SLC44A5: variants seen among roughly 807,000 people sequenced by gnomAD.
SLC44A5 encodes solute carrier family 44 member 5.
Under a neutral mutation model 101.8 loss-of-function variants are expected in SLC44A5, and 57 were observed. That is an observed-to-expected ratio of 0.56 (90% CI 0.45 to 0.70). SLC44A5 has a LOEUF of 0.70. Among genes scored for constraint, SLC44A5 ranks in the 30% least tolerant of loss-of-function variants. SLC44A5 has a pLI of 0.00. For synonymous variants in SLC44A5, 281 were observed against 290.9 expected, an observed-to-expected ratio of 0.97 and a Z score of 0.35; for missense variants, 737 against 853.1, an observed-to-expected ratio of 0.86 and a Z score of 1.70.
the SLC44A5 span, among the ~76,000 whole-genome samples, chr1:75,652,736 G>A: frequency 6.6e-6 from 1 of 152,196 alleles, no homozygotes; most frequent in Non-Finnish European, 1.5e-5. Context: ...TGAGGTTGCA[G>A]TGAGCTATGA....
the SLC44A5 span, among the ~76,000 whole-genome samples, chr1:75,680,723 C>T: frequency 3.3e-5 from 5 of 151,588 alleles, no homozygotes; most frequent in East Asian, 1.9e-4. Flanking sequence ...AGAGCAAACA[C>T]ATTCAAAAGC....
intron 18 of SLC44A5, 103 bp downstream of exon 18, chr1:75,217,763 C>T: frequency 6.5e-6 from 5 of 767,730 alleles, no homozygotes; most frequent in South Asian, 6.0e-5. Context: ...CAAATATGCC[C>T]TTTCATCCTT....
chr1:75,219,734 C>T, intron 15 of SLC44A5, 66 bp downstream of exon 15: 9 of 1,017,914 alleles, frequency 8.8e-6, no homozygotes, highest in Non-Finnish European at 1.2e-5. Flanking sequence ...ACACTGAACA[C>T]AAACTCCTGG....
chr1:75,476,359 G>T (rs1433512802), intron 2 of SLC44A5, among the ~76,000 whole-genome samples: 2 of 152,160 alleles, frequency 1.3e-5, no homozygotes, highest in Non-Finnish European at 2.9e-5. Flanking sequence ...TCTATCTGAG[G>T]TACCGGGTTC....
At chr1:75,329,956 C>T (rs901759633) in intron 4 of SLC44A5, among the ~76,000 whole-genome samples, 5 of 151,986 alleles carry the variant, frequency 3.3e-5, no homozygotes, top group African/African-American at 1.2e-4. Flanking sequence ...CTTCAGTCAC[C>T]TCAAGATCTC....
intron 2 of SLC44A5, among the ~76,000 whole-genome samples, chr1:75,415,216 C>T (rs533496138): frequency 3.9e-5 from 6 of 152,276 alleles, no homozygotes; most frequent in Admixed American, 6.5e-5. Context: ...ATAATTCCCA[C>T]GTGTTGTGGG....
chr1:75,700,848 A>G, the SLC44A5 span, among the ~76,000 whole-genome samples: 1 of 152,220 alleles, frequency 6.6e-6, no homozygotes, highest in Non-Finnish European at 1.5e-5. Context: ...ACACAGAAAT[A>G]CAAACTACCA....
chr1:75,484,021 G>A (rs1009438976), intron 2 of SLC44A5, among the ~76,000 whole-genome samples: 6 of 152,064 alleles, frequency 3.9e-5, no homozygotes, highest in Admixed American at 2.6e-4. Flanking sequence ...CTCCCACCAG[G>A]CCCCTCCTCC....
At chr1:75,585,501 CCAAA>C (rs1200999866) in intron 1 of SLC44A5, among the ~76,000 whole-genome samples, 1 of 152,090 alleles carries the variant, frequency 6.6e-6, no homozygotes, top group African/African-American at 2.4e-5. Context: ...ATATTAAAAA[CCAAA>C]CAGTTTCTGA....
chr1:75,239,482 C>T (rs1648415937), intron 9 of SLC44A5, among the ~76,000 whole-genome samples: 1 of 151,932 alleles, frequency 6.6e-6, no homozygotes. Context: ...AGCAGTTGAG[C>T]TGGGGAAAGA....
At position 75,275,032 on chromosome 1, in the gene SLC44A5, A is replaced by G. The variant is rs749712005; in HGVS notation, c.186T>C (p.His62=). ...YIVLGLVAWV[H]GDPRRAAYPT... ...GATAGGCTGCTCTTCTGGGGTCCCC[A>G]TGTACCCAGGCTGCAGGAACAAGAA... Residue 62 remains histidine, a synonymous_variant, in exon 6 of 24, where the codon CAT becomes CAC. Coordinates refer to ENST00000370859, the MANE Select transcript of SLC44A5 (RefSeq NM_001130058.2). 2 of 1,612,650 alleles carry G rather than the reference A, an allele frequency of 1.2e-6. No homozygotes were observed. Among genetic ancestry groups the G allele is most frequent in the South Asian group, 2.2e-5 (2 of 90,934 alleles).
rs1648342918 is a variant in SLC44A5, at chr1:75,238,628, T to G, written c.541A>C (p.Arg181=). 1 of 1,555,816 alleles carries G rather than the reference T, an allele frequency of 6.4e-7. No individual in the cohort carries two copies. The highest frequency in any genetic ancestry group is 8.7e-7 in the Non-Finnish European group (1 of 1,146,288). Residue 181 remains arginine, a synonymous_variant, in exon 10 of 24, where the codon AGA becomes CGA. Transcript: ENST00000370859. Reference sequence around the variant, plus strand: ...TTGGTAGAGAAGTCAGGGAAACATCTCTGGAGAACTGTAAAAATAAATTAA... The same window carrying G: ...TTGGTAGAGAAGTCAGGGAAACATCGCTGGAGAACTGTAAAAATAAATTAA... The part of the protein sequence containing the change: ...AIFPSKPFLQ[R]CFPDFSTKNG...
intron 2 of SLC44A5, among the ~76,000 whole-genome samples, chr1:75,430,020 T>C (rs1301628333): frequency 1.3e-5 from 2 of 152,080 alleles, no homozygotes; most frequent in African/African-American, 4.8e-5. Context: ...AACGTACCCA[T>C]AGGAATAGTC....
chr1:75,300,505 A>G, intron 5 of SLC44A5, 107 bp downstream of exon 5: 2 of 643,506 alleles, frequency 3.1e-6, no homozygotes, highest in East Asian at 6.1e-5. Flanking sequence ...ACAACAGTCA[A>G]TAATAGGAAG....
intron 1 of SLC44A5, among the ~76,000 whole-genome samples, chr1:75,567,230 G>A (rs1672832930): frequency 6.6e-6 from 1 of 151,754 alleles, no homozygotes; most frequent in Non-Finnish European, 1.5e-5. Flanking sequence ...AACTAAATCT[G>A]AAACAGAAAA....
intron 12 of SLC44A5, among the ~76,000 whole-genome samples, chr1:75,230,008 A>G (rs1043153079): frequency 2.6e-5 from 4 of 152,170 alleles, no homozygotes; most frequent in Admixed American, 2.6e-4. Context: ...GAACCACACA[A>G]TCATATTTTT....
At chr1:75,524,078 G>A (rs1375677549) in intron 2 of SLC44A5, among the ~76,000 whole-genome samples, 2 of 152,196 alleles carry the variant, frequency 1.3e-5, no homozygotes, top group African/African-American at 4.8e-5. Flanking sequence ...ATAATCTGCA[G>A]TGTTTGAGAA....
the SLC44A5 span, among the ~76,000 whole-genome samples, chr1:75,683,378 T>A: frequency 1.3e-5 from 2 of 152,024 alleles, no homozygotes; most frequent in Non-Finnish European, 2.9e-5. Flanking sequence ...AATGATAGAC[T>A]GGATTAAGAA....
At chr1:75,272,778 T>C (rs1445423599) in intron 6 of SLC44A5, among the ~76,000 whole-genome samples, 2 of 152,172 alleles carry the variant, frequency 1.3e-5, no homozygotes, top group African/African-American at 4.8e-5. Flanking sequence ...ACCATGCTGT[T>C]TTGGTGACTA....
Sources: allele counts gnomAD v4.1 joint callset (sites outside exome capture counted in the v4.1 genomes callset), GRCh38; gene constraint gnomAD v4.1.1; transcripts MANE v1.5; gene names NCBI Gene and HGNC (gene_info 2026-07-23, HGNC 2026-07-21).